GRIP1: variants seen among roughly 807,000 people sequenced by gnomAD.
GRIP1 encodes glutamate receptor-interacting protein 1.
Under a neutral mutation model 129.9 loss-of-function variants are expected in GRIP1, and 45 were observed. The observed-to-expected ratio is 0.35, with a 90% CI of 0.27 to 0.44. The LOEUF is 0.44. GRIP1 is among the 20% of genes least tolerant of loss of function. The pLI is 1.00. For missense variants in GRIP1, 1,196 were observed against 1,396.8 expected (o/e 0.86, Z 2.29); for synonymous variants, 530 against 520.8 (o/e 1.02, Z -0.24).
intron 1 of GRIP1, among the ~76,000 whole-genome samples, chr12:66,754,220 T>C (rs2037213942): frequency 6.6e-6 from 1 of 152,230 alleles, no homozygotes; most frequent in South Asian, 2.1e-4. Flanking sequence ...CTGGTATTCA[T>C]TCAATAATAA....
intron 7 of GRIP1, among the ~76,000 whole-genome samples, chr12:66,514,985 T>C (rs776720467): frequency 5.9e-5 from 9 of 152,162 alleles, no homozygotes; most frequent in Non-Finnish European, 7.4e-5. Context: ...ACACAAGACG[T>C]TGGCTCTCTT....
chr12:66,804,895 T>C (rs1363946876), upstream of GRIP1, among the ~76,000 whole-genome samples: 1 of 152,206 alleles, frequency 6.6e-6, no homozygotes, highest in Non-Finnish European at 1.5e-5. Context: ...GTGTGCAGTA[T>C]GTGTTAATTG....
intron 1 of GRIP1, among the ~76,000 whole-genome samples, chr12:66,624,350 C>T (rs570602545): frequency 6.6e-6 from 1 of 152,070 alleles, no homozygotes; most frequent in Admixed American, 6.6e-5. Context: ...AGATGATTTA[C>T]AATTTCACGT....
intron 9 of GRIP1, among the ~76,000 whole-genome samples, chr12:66,461,917 A>T (rs1402321826): frequency 3.9e-5 from 6 of 152,172 alleles, no homozygotes; most frequent in African/African-American, 1.4e-4. Flanking sequence ...AATTTCAAGG[A>T]GTACAAAGGA....
At chr12:66,395,153 A>C (rs2056741665) in intron 16 of GRIP1, among the ~76,000 whole-genome samples, 1 of 152,244 alleles carries the variant, frequency 6.6e-6, no homozygotes, top group South Asian at 2.1e-4. Context: ...GGCCAGAAAG[A>C]TATCATGGGC....
intron 1 of GRIP1, among the ~76,000 whole-genome samples, chr12:66,726,482 A>C (rs962047738): frequency 6.6e-5 from 10 of 152,164 alleles, no homozygotes; most frequent in African/African-American, 2.2e-4. Context: ...AACAACAACA[A>C]AACAAAACAA....
Position 66,347,947 on chromosome 12 carries a change from T to G in GRIP1, c.*1072A>C, listed in dbSNP as rs1331489479. Reference sequence around the variant, plus strand: ...ATAATAACAGTTATTAGTGTAGCTATTCAAAATATCTGAACAAATGAAAAC... The same window carrying G: ...ATAATAACAGTTATTAGTGTAGCTAGTCAAAATATCTGAACAAATGAAAAC... On this transcript the variant is annotated 3_prime_UTR_variant, in exon 25 of 25. Transcript: ENST00000359742. The G allele has an allele frequency of 1.3e-5, 2 of 152,220 alleles. No individual in the cohort carries two copies. Among genetic ancestry groups the G allele is most frequent in the African/African-American group, 4.8e-5 (2 of 41,464 alleles). The allele number at this position is 152,220 out of a possible 1,614,324, so 9.4% of individuals were successfully genotyped here. A position where few individuals can be genotyped will look rare whatever the true frequency, so the allele number is the denominator to read the frequency against.
intron 7 of GRIP1, among the ~76,000 whole-genome samples, chr12:66,474,016 G>C (rs539652789): frequency 6.6e-6 from 1 of 151,914 alleles, no homozygotes; most frequent in Non-Finnish European, 1.5e-5. Flanking sequence ...TCAGAAGATG[G>C]GTAATAACAA....
At chr12:66,532,339 A>T (rs1388724774) in intron 4 of GRIP1, among the ~76,000 whole-genome samples, 1 of 152,174 alleles carries the variant, frequency 6.6e-6, no homozygotes, top group Non-Finnish European at 1.5e-5. Flanking sequence ...GTGCTTACCC[A>T]AAAGATCAAA....
chr12:66,491,364 A>C (rs1452581867), intron 7 of GRIP1, among the ~76,000 whole-genome samples: 1 of 152,230 alleles, frequency 6.6e-6, no homozygotes, highest in Non-Finnish European at 1.5e-5. Flanking sequence ...ACACAGGAAC[A>C]GAATACCAAA....
At chr12:66,500,267 C>T (rs1242844846) in intron 7 of GRIP1, among the ~76,000 whole-genome samples, 4 of 152,124 alleles carry the variant, frequency 2.6e-5, no homozygotes, top group Non-Finnish European at 5.9e-5. Context: ...AGTTGCAGAG[C>T]CAGGAAACAA....
intron 1 of GRIP1, among the ~76,000 whole-genome samples, chr12:66,825,079 A>T (rs909527705): frequency 6.6e-6 from 1 of 152,104 alleles, no homozygotes; most frequent in African/African-American, 2.4e-5. Context: ...CTTATATTTG[A>T]GCAGTCTGTC....
intron 2 of GRIP1, among the ~76,000 whole-genome samples, chr12:66,549,893 A>G (rs186410305): frequency 1.1e-3 from 166 of 152,296 alleles, no homozygotes; most frequent in African/African-American, 3.9e-3. Flanking sequence ...TTGCACCTCC[A>G]AAGAAAGGGG....
intron 1 of GRIP1, chr12:66,647,370 C>T (rs2032457469): frequency 6.6e-6 from 1 of 152,206 alleles, no homozygotes; most frequent in Non-Finnish European, 1.5e-5. Context: ...CAGAATGTTA[C>T]ATTATACGAC....
intron 2 of GRIP1, among the ~76,000 whole-genome samples, chr12:66,562,763 A>T (rs535167602): frequency 1.3e-5 from 2 of 152,272 alleles, no homozygotes; most frequent in East Asian, 3.9e-4. Context: ...ACAGTTGAAA[A>T]TCCACATGTA....
At chr12:66,583,182 G>C (rs1198502419) in intron 2 of GRIP1, among the ~76,000 whole-genome samples, 1 of 151,118 alleles carries the variant, frequency 6.6e-6, no homozygotes, top group Admixed American at 6.6e-5. Flanking sequence ...AATAAATGGT[G>C]CTGGGAAAAC....
intron 1 of GRIP1, among the ~76,000 whole-genome samples, chr12:67,046,439 T>C (rs1565654146): frequency 6.6e-6 from 1 of 152,250 alleles, no homozygotes; most frequent in African/African-American, 2.4e-5. Context: ...TTTGCTCTAC[T>C]AGTAACACTG....
At chr12:66,734,141 A>G (rs2036524527) in intron 1 of GRIP1, among the ~76,000 whole-genome samples, 2 of 152,180 alleles carry the variant, frequency 1.3e-5, no homozygotes, top group Non-Finnish European at 2.9e-5. Context: ...GTTTAATAAA[A>G]TTCCTATTTT....
rs186029552 is a variant in GRIP1, at chr12:66,645,727, C to T, written c.55+33123G>A. Among the ~76,000 whole-genome samples, 14 of 152,114 alleles carry T rather than the reference C, an allele frequency of 9.2e-5. No homozygotes were observed. The East Asian group carries it at 2.7e-3, about 29-fold the overall frequency. ...GATAATTATTTTCCAAGAAAAAAAT[C>T]TTTTAGAGTATGCATCTTCTCAAAG... is the stretch of plus-strand genomic sequence containing the variant. On this transcript the variant is annotated intron_variant, in intron 1 of 24. Coordinates refer to ENST00000359742, the MANE Select transcript of GRIP1 (RefSeq NM_001366722.1).
Sources: gnomAD v4.1 joint callset for allele counts (sites outside exome capture counted in the v4.1 genomes callset) on GRCh38, gnomAD v4.1.1 for gene constraint, MANE v1.5 for transcripts, NCBI Gene and HGNC (gene_info 2026-07-23, HGNC 2026-07-21) for gene names.